Variants in BLTP1 observed in about 807,000 individuals in gnomAD.
The protein encoded by BLTP1 is fragile site-associated protein.
At chr4:122,153,323 A>T in the BLTP1 span, among the ~76,000 whole-genome samples, 1 of 152,158 alleles carries the variant, frequency 6.6e-6, no homozygotes, top group Non-Finnish European at 1.5e-5. Context: ...CACCCTGTGC[A>T]TAGCAATGAA....
At chr4:122,326,354 T>G in the BLTP1 span, among the ~76,000 whole-genome samples, 1 of 151,804 alleles carries the variant, frequency 6.6e-6, no homozygotes, top group East Asian at 1.9e-4. Flanking sequence ...ATCCATTTTT[T>G]AAATTATTCT....
the BLTP1 span, among the ~76,000 whole-genome samples, chr4:122,295,886 C>G: frequency 2.6e-5 from 4 of 152,080 alleles, no homozygotes; most frequent in African/African-American, 9.7e-5. Flanking sequence ...ACTCAACATC[C>G]CTTCATGTTA....
the BLTP1 span, chr4:122,290,969 T>C: frequency 1.1e-6 from 1 of 872,978 alleles, no homozygotes; most frequent in Non-Finnish European, 1.4e-6. Flanking sequence ...AAAAAACAAG[T>C]GTTGTGGAGT....
At chr4:122,296,105 A>C in the BLTP1 span, among the ~76,000 whole-genome samples, 1 of 152,238 alleles carries the variant, frequency 6.6e-6, no homozygotes, top group South Asian at 2.1e-4. Context: ...CAAGAGAAAG[A>C]AAGTGTATAC....
the BLTP1 span, chr4:122,238,288 T>C: frequency 1.2e-6 from 2 of 1,614,126 alleles, no homozygotes; most frequent in Non-Finnish European, 8.5e-7. Context: ...CATCTGTTGC[T>C]GATGACCATT....
At chr4:122,296,914 T>G in the BLTP1 span, among the ~76,000 whole-genome samples, 1 of 152,158 alleles carries the variant, frequency 6.6e-6, no homozygotes, top group African/African-American at 2.4e-5. Context: ...TATACAAAAA[T>G]TAACTCAAGA....
chr4:122,272,039 G>A, the BLTP1 span: 1 of 1,232,794 alleles, frequency 8.1e-7, no homozygotes, highest in African/African-American at 1.5e-5. Flanking sequence ...TTTTGTTGGG[G>A]ATTAGGAGAA....
At chr4:122,224,596 T>A in the BLTP1 span, 486,966 of 1,613,808 alleles carry the variant, frequency 0.3, 77,815 homozygotes, top group South Asian at 0.47. Flanking sequence ...AAGGTCTTCC[T>A]TTGGGAAGCG....
chr4:122,282,557 G>A, the BLTP1 span, among the ~76,000 whole-genome samples: 3 of 152,222 alleles, frequency 2.0e-5, no homozygotes, highest in Admixed American at 2.0e-4. Flanking sequence ...CAGGAGAATC[G>A]CTTGAATCCG....
the BLTP1 span, chr4:122,289,025 T>G: frequency 6.6e-7 from 1 of 1,523,760 alleles, no homozygotes; most frequent in Admixed American, 2.0e-5. Flanking sequence ...GGGTGATTTA[T>G]GTAAGAAAAA....
At chr4:122,167,299 T>C in the BLTP1 span, among the ~76,000 whole-genome samples, 9 of 152,228 alleles carry the variant, frequency 5.9e-5, no homozygotes, top group Non-Finnish European at 1.2e-4. Flanking sequence ...TGAGACATTG[T>C]AATAATGGCT....
the BLTP1 span, among the ~76,000 whole-genome samples, chr4:122,326,467 C>A: frequency 5.5e-4 from 83 of 151,820 alleles, no homozygotes; most frequent in Non-Finnish European, 8.6e-4. Flanking sequence ...TTGTCACTCT[C>A]TTCAAGCTTG....
At chr4:122,168,245 T>C in the BLTP1 span, among the ~76,000 whole-genome samples, 2 of 152,230 alleles carry the variant, frequency 1.3e-5, no homozygotes, top group African/African-American at 4.8e-5. Context: ...AAACAACCTC[T>C]TCCCACATTC....
the BLTP1 span, among the ~76,000 whole-genome samples, chr4:122,284,033 A>G: frequency 3.9e-5 from 6 of 152,322 alleles, no homozygotes; most frequent in South Asian, 1.2e-3. Context: ...TGCGTCTTTT[A>G]CAAGATGTAT....
the BLTP1 span, chr4:122,214,613 ATTCTTT>A: frequency 2.7e-5 from 10 of 365,034 alleles, no homozygotes; most frequent in Non-Finnish European, 3.1e-5. Flanking sequence ...TTTTCAGTAA[ATTCTTT>A]TTTTTTTTTT....
chr4:122,227,891 C>G, the BLTP1 span: 3 of 143,112 alleles, frequency 2.1e-5, no homozygotes, highest in Non-Finnish European at 4.6e-5. Flanking sequence ...TTTTTTTTAA[C>G]TTGAAGTTTT....
chr4:122,219,439 G>C, the BLTP1 span: 2 of 1,614,122 alleles, frequency 1.2e-6, no homozygotes, highest in Admixed American at 1.7e-5. Context: ...TGGGTGGACT[G>C]CTGTTGGAAT....
the BLTP1 span, chr4:122,167,636 C>T: frequency 1.0e-6 from 1 of 984,786 alleles, no homozygotes; most frequent in Non-Finnish European, 1.2e-6. Context: ...TTCTCCCCTA[C>T]AAGTGTATGC....
the BLTP1 span, chr4:122,214,245 A>T: frequency 1.0e-6 from 1 of 958,338 alleles, no homozygotes; most frequent in South Asian, 4.8e-5. Flanking sequence ...TCTTACTTGA[A>T]GTAGGTGACA....
Sources: gnomAD v4.1 joint callset for allele counts (sites outside exome capture counted in the v4.1 genomes callset) on GRCh38, gnomAD v4.1.1 for gene constraint, MANE v1.5 for transcripts, NCBI Gene and HGNC (gene_info 2026-07-23, HGNC 2026-07-21) for gene names.